Variants in RUNX1 observed in about 807,000 individuals in gnomAD.
The protein encoded by RUNX1 is RUNX family transcription factor 1.
Under a neutral mutation model 42.8 loss-of-function variants are expected in RUNX1, and 19 were observed. The ratio of observed to expected loss-of-function variants is 0.44; its 90% CI spans 0.31 to 0.65. The LOEUF is 0.65. Among genes scored for constraint, RUNX1 ranks in the 30% least tolerant of loss-of-function variants. The pLI is 0.07. For missense variants in RUNX1, 528 were observed against 672.0 expected, an observed-to-expected ratio of 0.79 and a Z score of 2.37; for synonymous variants, 271 against 289.4, an observed-to-expected ratio of 0.94 and a Z score of 0.64.
At chr21:34,939,158 G>A (rs1000510339) in intron 2 of RUNX1, among the ~76,000 whole-genome samples, 19 of 152,156 alleles carry the variant, frequency 1.2e-4, no homozygotes, top group African/African-American at 3.1e-4. Context: ...TTAGAGAATC[G>A]TAATGGATCA....
chr21:35,040,148 G>C (rs1015230008), intron 2 of RUNX1, among the ~76,000 whole-genome samples: 4 of 152,212 alleles, frequency 2.6e-5, no homozygotes, highest in African/African-American at 9.6e-5. Flanking sequence ...AAGTTCAGCT[G>C]TGACTGTTAC....
chr21:34,996,020 T>C (rs1334505474), intron 2 of RUNX1, among the ~76,000 whole-genome samples: 1 of 152,222 alleles, frequency 6.6e-6, no homozygotes, highest in Non-Finnish European at 1.5e-5. Context: ...ATTTTGAACA[T>C]TGAGAATTCT....
At chr21:34,892,059 C>G (rs1200203941) in intron 3 of RUNX1, among the ~76,000 whole-genome samples, 1 of 152,194 alleles carries the variant, frequency 6.6e-6, no homozygotes, top group Non-Finnish European at 1.5e-5. Flanking sequence ...CTTAAAATTA[C>G]CCTTTGCGAG....
chr21:35,005,770 C>T (rs1393514684), intron 2 of RUNX1, among the ~76,000 whole-genome samples: 2 of 152,176 alleles, frequency 1.3e-5, no homozygotes, highest in African/African-American at 4.8e-5. Flanking sequence ...AGTCTCCTCC[C>T]CTCCATCTCT....
chr21:35,030,570 G>T (rs932408381), intron 2 of RUNX1, among the ~76,000 whole-genome samples: 9 of 152,110 alleles, frequency 5.9e-5, no homozygotes, highest in African/African-American at 2.2e-4. Context: ...CATTAGATCG[G>T]CTCAAAATGG....
At chr21:34,837,353 G>A (rs2834649) in intron 6 of RUNX1, among the ~76,000 whole-genome samples, 26,374 of 152,100 alleles carry the variant, frequency 0.17, 3,968 homozygotes, top group African/African-American at 0.41. Context: ...CTGGAGAGCT[G>A]TGACACCAAG....
At chr21:35,022,007 C>G (rs1211525874) in intron 2 of RUNX1, among the ~76,000 whole-genome samples, 1 of 152,168 alleles carries the variant, frequency 6.6e-6, no homozygotes, top group Non-Finnish European at 1.5e-5. Flanking sequence ...GAGAATGATC[C>G]CCAAGACACA....
At chr21:35,006,186 T>A (rs902546961) in intron 2 of RUNX1, among the ~76,000 whole-genome samples, 5 of 152,318 alleles carry the variant, frequency 3.3e-5, no homozygotes, top group African/African-American at 1.2e-4. Context: ...AGTTGTTGTA[T>A]GCATTGTCTT....
chr21:34,790,439 T>C lies in RUNX1; in HGVS notation c.*1696A>G, dbSNP rs374212651. On this transcript the variant is annotated 3_prime_UTR_variant, in exon 9 of 9. Coordinates refer to ENST00000675419, the MANE Select transcript of RUNX1 (RefSeq NM_001754.5). ...GGTACGTTAAATAACCACCAGATCATTTGGAGCACACATGTGTCAAAATCA... is the reference window on the plus strand; with the variant it reads ...GGTACGTTAAATAACCACCAGATCACTTGGAGCACACATGTGTCAAAATCA... 1.8e-3 allele frequency: 418 copies of C among 233,742 alleles called. 1 individual carries two copies. The highest frequency in any genetic ancestry group is 8.7e-3 in the African/African-American group (396 of 45,464). The allele number at this position is 233,742 out of a possible 1,614,324, so 14.5% of individuals were successfully genotyped here.
At chr21:34,873,551 G>A (rs371892668) in intron 5 of RUNX1, among the ~76,000 whole-genome samples, 1 of 152,204 alleles carries the variant, frequency 6.6e-6, no homozygotes, top group African/African-American at 2.4e-5. Flanking sequence ...CCTCACTAAG[G>A]AAATCAGAGG....
rs148426584 is a variant in RUNX1, at chr21:35,041,319, G to A, written c.58+7523C>T. Among the ~76,000 whole-genome samples the A allele has an allele frequency of 2.6e-5, 4 of 152,296 alleles. No individual in the cohort carries two copies. In the East Asian group the frequency reaches 5.8e-4, roughly 22 times the overall value. On this transcript the variant is annotated intron_variant, in intron 2 of 8. Transcript: ENST00000675419. ...TTAGAATCAATTTAACATGAACTTC[G>A]CATTTATGCAAAGCAGCATCAGTCC...
intron 6 of RUNX1, among the ~76,000 whole-genome samples, chr21:34,855,771 CTCTA>C (rs1476167292): frequency 3.3e-5 from 5 of 152,190 alleles, no homozygotes; most frequent in African/African-American, 1.2e-4. Flanking sequence ...AATCCTTTCG[CTCTA>C]TCTTTTGTGC....
chr21:35,002,981 T>C (rs906400115), intron 2 of RUNX1, among the ~76,000 whole-genome samples: 2 of 152,236 alleles, frequency 1.3e-5, no homozygotes, highest in Non-Finnish European at 2.9e-5. Flanking sequence ...CACATTTTCC[T>C]TAACAGAATT....
chr21:34,963,292 G>C (rs1206464678), intron 2 of RUNX1, among the ~76,000 whole-genome samples: 1 of 152,156 alleles, frequency 6.6e-6, no homozygotes, highest in Non-Finnish European at 1.5e-5. Context: ...GGTCCACGTG[G>C]AAGATGACAC....
At chr21:34,978,228 G>A (rs1210461392) in intron 2 of RUNX1, among the ~76,000 whole-genome samples, 3 of 152,106 alleles carry the variant, frequency 2.0e-5, no homozygotes, top group Non-Finnish European at 4.4e-5. Context: ...ATGAGCCACC[G>A]CGCCCCGCCC....
intron 5 of RUNX1, among the ~76,000 whole-genome samples, chr21:34,862,410 G>A (rs924419796): frequency 5.3e-5 from 8 of 152,144 alleles, no homozygotes; most frequent in Non-Finnish European, 8.8e-5. Flanking sequence ...TTTGTTTCCT[G>A]GGGCTGCTGT....
rs989634427 is a variant in RUNX1, at chr21:34,888,714, G to T, written c.98-1618C>A. The T allele has an allele frequency of 4.9e-6, 5 of 1,030,234 alleles. No homozygotes were observed. In the African/African-American group the frequency reaches 5.1e-5, roughly 10 times the overall value. The allele number at this position is 1,030,234 out of a possible 1,614,324, so 63.8% of individuals were successfully genotyped here. ...TGAATGAGAGTGCCTGGAAATGAAC[G>T]TGCTTTTACTGTAAGCCCGGCCGGA... On this transcript the variant is annotated intron_variant, in intron 3 of 8. Coordinates refer to ENST00000675419, the MANE Select transcript of RUNX1 (RefSeq NM_001754.5).
chr21:34,821,213 G>C, intron 7 of RUNX1: 1 of 1,029,420 alleles, frequency 9.7e-7, no homozygotes, highest in Non-Finnish European at 1.2e-6. Context: ...ACTTGGAGAG[G>C]ACCGATGGGT....
chr21:35,045,094 C>T (rs1174523925), intron 2 of RUNX1, among the ~76,000 whole-genome samples: 2 of 152,210 alleles, frequency 1.3e-5, no homozygotes, highest in Non-Finnish European at 2.9e-5. Context: ...GCTCTTTTAA[C>T]ACTTAAACAT....
Sources: gnomAD v4.1 joint callset for allele counts (sites outside exome capture counted in the v4.1 genomes callset) on GRCh38, gnomAD v4.1.1 for gene constraint, MANE v1.5 for transcripts, NCBI Gene and HGNC (gene_info 2026-07-23, HGNC 2026-07-21) for gene names.